Variants in GULP1 observed in about 807,000 individuals in gnomAD.
The protein encoded by GULP1 is PTB domain-containing engulfment adapter protein 1.
In GULP1, 19 loss-of-function variants were observed where a neutral mutation model predicts 40.9. The ratio of observed to expected loss-of-function variants is 0.46; its 90% CI spans 0.32 to 0.68. The LOEUF is 0.68. Among genes scored for constraint, GULP1 ranks in the 30% least tolerant of loss-of-function variants. The pLI is 0.03. For synonymous variants in GULP1, 119 were observed against 117.6 expected, an observed-to-expected ratio of 1.01 and a Z score of -0.08; for missense variants, 312 against 362.2, an observed-to-expected ratio of 0.86 and a Z score of 1.12.
At position 188,569,283 on chromosome 2, in the gene GULP1, A is replaced by T. The variant is rs549913208; in HGVS notation, c.444A>T (p.Ala148=). The T allele has an allele frequency of 6.2e-7, 1 of 1,604,070 alleles. No individual in the cohort carries two copies. The highest frequency in any genetic ancestry group is 2.2e-5 in the East Asian group (1 of 44,792). ...TLTIGQAFDL[A]YRKFLESGGK... ...CAATTGGCCAAGCATTTGACCTGGC[A>T]TACAGGAAATTTCTAGAATCAGGAG... The change falls in exon 8 of 12, where the codon GCA becomes GCT. Residue 148 remains alanine (A), a synonymous_variant. Coordinates refer to ENST00000409830, the MANE Select transcript of GULP1 (RefSeq NM_016315.4).
chr2:188,389,025 A>G (rs961003797), intron 2 of GULP1, among the ~76,000 whole-genome samples: 2 of 152,222 alleles, frequency 1.3e-5, no homozygotes, highest in African/African-American at 4.8e-5. Flanking sequence ...AATAAAAAAG[A>G]AAGTGTGGTA....
chr2:188,385,213 T>G (rs2049536088), intron 2 of GULP1, among the ~76,000 whole-genome samples: 1 of 152,148 alleles, frequency 6.6e-6, no homozygotes, highest in Non-Finnish European at 1.5e-5. Flanking sequence ...TCTTCTGAAA[T>G]CTAGGCAGAG....
chr2:188,458,730 G>A (rs536058340), intron 2 of GULP1, among the ~76,000 whole-genome samples: 30 of 151,836 alleles, frequency 2.0e-4, no homozygotes, highest in Non-Finnish European at 3.1e-4. Context: ...AATTACTTTT[G>A]ACTATAGACA....
At chr2:188,387,080 A>G (rs928688392) in intron 2 of GULP1, among the ~76,000 whole-genome samples, 3 of 152,086 alleles carry the variant, frequency 2.0e-5, no homozygotes, top group Non-Finnish European at 4.4e-5. Flanking sequence ...TACTAAAAAT[A>G]CAAAAATTAT....
At chr2:188,448,674 G>A (rs546458873) in intron 2 of GULP1, among the ~76,000 whole-genome samples, 14 of 152,172 alleles carry the variant, frequency 9.2e-5, no homozygotes, top group Non-Finnish European at 1.5e-4. Flanking sequence ...GATATGGTTT[G>A]AGTATTTGTT....
intron 2 of GULP1, among the ~76,000 whole-genome samples, chr2:188,395,249 TG>T (rs1352408999): frequency 6.6e-6 from 1 of 152,208 alleles, no homozygotes; most frequent in Non-Finnish European, 1.5e-5. Context: ...CTCAGTATTT[TG>T]GCTATTCAGA....
At chr2:188,486,042 A>T (rs2061834764) in intron 4 of GULP1, among the ~76,000 whole-genome samples, 1 of 152,064 alleles carries the variant, frequency 6.6e-6, no homozygotes, top group South Asian at 2.1e-4. Flanking sequence ...CATAAAACTG[A>T]TCTCATACAA....
intron 4 of GULP1, among the ~76,000 whole-genome samples, chr2:188,518,075 T>C (rs920542992): frequency 1.3e-5 from 2 of 152,082 alleles, no homozygotes; most frequent in Admixed American, 1.3e-4. Flanking sequence ...TACAAGCCTT[T>C]TGATGGCACT....
At chr2:188,546,071 C>A (rs1392280793) in intron 7 of GULP1, among the ~76,000 whole-genome samples, 1 of 151,766 alleles carries the variant, frequency 6.6e-6, no homozygotes, top group African/African-American at 2.4e-5. Context: ...AATAGAGCTG[C>A]AAAATGAGAA....
chr2:188,508,259 G>A (rs967850736), intron 4 of GULP1, among the ~76,000 whole-genome samples: 1 of 151,856 alleles, frequency 6.6e-6, no homozygotes. Context: ...AGTGATAATT[G>A]ACTTCAAGTG....
chr2:188,461,142 G>T (rs2059671774), intron 2 of GULP1, among the ~76,000 whole-genome samples: 1 of 151,928 alleles, frequency 6.6e-6, no homozygotes, highest in Admixed American at 6.6e-5. Flanking sequence ...GTCTTTGTCT[G>T]GTTTTGTTAT....
chr2:188,333,165 A>C (rs1012306993), intron 1 of GULP1, among the ~76,000 whole-genome samples: 1 of 151,738 alleles, frequency 6.6e-6, no homozygotes, highest in African/African-American at 2.4e-5. Flanking sequence ...GCATTGCTTG[A>C]ACCCAGGAGA....
At chr2:188,533,791 T>A (rs1480749770) in intron 6 of GULP1, among the ~76,000 whole-genome samples, 4 of 151,516 alleles carry the variant, frequency 2.6e-5, no homozygotes. Context: ...AAGCAAAAAA[T>A]AATAATAACC....
chr2:188,318,457 C>CTTTCAATAAG (rs1350046158), intron 1 of GULP1, among the ~76,000 whole-genome samples: 1 of 152,086 alleles, frequency 6.6e-6, no homozygotes, highest in Non-Finnish European at 1.5e-5. Context: ...TTGTTCTTTT[C>CTTTCAATAAG]TTTCAATAAA....
chr2:188,424,964 T>C (rs1298398735), intron 2 of GULP1, among the ~76,000 whole-genome samples: 2 of 152,028 alleles, frequency 1.3e-5, no homozygotes, highest in Non-Finnish European at 2.9e-5. Context: ...GTCTATTTCA[T>C]AGTGGTAATG....
chr2:188,292,762 G>C lies in GULP1; in HGVS notation c.-172+596G>C, dbSNP rs766837764. ...CGCGGATACTTTAAAGCTCAGAGCT[G>C]GGAGGGCCCAAAGGAAGGGGCGGCG... On this transcript the variant is annotated intron_variant, in intron 1 of 11. Transcript: ENST00000409830. This position sits in a 1 kb window ranked among gnomAD's most constrained non-coding sequence, Gnocchi z 4.0. 1.3e-5 allele frequency: 2 copies of C among 152,618 alleles called. No individual in the cohort carries two copies. Among genetic ancestry groups the C allele is most frequent in the Admixed American group, 6.5e-5 (1 of 15,298 alleles). The allele number at this position is 152,618 out of a possible 1,614,324, so 9.5% of individuals were successfully genotyped here. A position where few individuals can be genotyped will look rare whatever the true frequency, so the allele number is the denominator to read the frequency against.
intron 4 of GULP1, among the ~76,000 whole-genome samples, chr2:188,487,578 C>A (rs2061969672): frequency 1.3e-5 from 2 of 151,902 alleles, no homozygotes; most frequent in African/African-American, 4.8e-5. Flanking sequence ...ATAATGATAA[C>A]CAACATCATG....
chr2:188,351,480 G>C (rs1016200641), intron 1 of GULP1, among the ~76,000 whole-genome samples: 2 of 151,996 alleles, frequency 1.3e-5, no homozygotes, highest in African/African-American at 2.4e-5. Flanking sequence ...ATTTCAAGTC[G>C]CCTACCATTG....
intron 1 of GULP1, among the ~76,000 whole-genome samples, chr2:188,298,594 G>C (rs995690510): frequency 2.6e-5 from 4 of 152,056 alleles, no homozygotes; most frequent in African/African-American, 9.7e-5. Flanking sequence ...CACCATGACT[G>C]GATATGTAGG....
Sources: allele counts gnomAD v4.1 joint callset (sites outside exome capture counted in the v4.1 genomes callset), GRCh38; gene constraint gnomAD v4.1.1; non-coding constraint Gnocchi (gnomAD v3.1); transcripts MANE v1.5; gene names NCBI Gene and HGNC (gene_info 2026-07-23, HGNC 2026-07-21).